SPAM1: variants seen among roughly 807,000 people sequenced by gnomAD.
SPAM1 encodes hyaluronidase PH-20.
SPAM1 carries 22 observed loss-of-function variants against 29.6 expected under a neutral mutation model. The observed-to-expected ratio is 0.74, with a 90% CI of 0.53 to 1.06. The LOEUF is 1.06. Among genes scored for constraint, SPAM1 ranks in the 50% least tolerant of loss-of-function variants. The pLI is 0.00. For missense variants in SPAM1, 534 were observed against 604.0 expected (o/e 0.88, Z 1.21); for synonymous variants, 194 against 204.6 (o/e 0.95, Z 0.44).
intron 3 of SPAM1, among the ~76,000 whole-genome samples, 163 bp downstream of exon 3, chr7:123,954,687 G>A (rs904885007): frequency 4.0e-5 from 6 of 151,876 alleles, no homozygotes; most frequent in African/African-American, 1.2e-4. Context: ...ACAAGAATAC[G>A]CTTAATCTTT....
chr7:123,949,866 T>C lies in SPAM1; in HGVS notation c.-318-6T>C, dbSNP rs944249459. ...GAGAGAAAATAATCTTTTTTTTTTT[T>C]CAAAGGGATGCTAATGACTAGCCAA... is the stretch of plus-strand genomic sequence containing the variant. On this transcript the variant is annotated splice_region_variant and splice_polypyrimidine_tract_variant and intron_variant, in intron 1 of 4. Transcript: ENST00000682466. The C allele has an allele frequency of 2.0e-5, 3 of 151,716 alleles. No homozygotes were observed. The highest frequency in any genetic ancestry group is 4.8e-5 in the African/African-American group (2 of 41,296). 9.4% of individuals were successfully genotyped at this position (151,716 alleles called of 1,614,324 possible).
At chr7:123,958,270 T>C (rs1792289013) in intron 4 of SPAM1, among the ~76,000 whole-genome samples, 2 of 151,990 alleles carry the variant, frequency 1.3e-5, no homozygotes, top group South Asian at 4.1e-4. Flanking sequence ...CCTCACTCAA[T>C]GGAACTGTTG....
At chr7:123,949,632 T>G (rs1030327996) in intron 1 of SPAM1, among the ~76,000 whole-genome samples, 3 of 152,130 alleles carry the variant, frequency 2.0e-5, no homozygotes, top group African/African-American at 7.2e-5. Flanking sequence ...CTACAATACA[T>G]AGTGGTGAAT....
intron 6 of SPAM1, chr7:123,970,372 C>T: frequency 9.4e-7 from 1 of 1,069,264 alleles, no homozygotes; most frequent in Non-Finnish European, 1.3e-6. Flanking sequence ...GGACACCAGT[C>T]ATGTTGGATT....
chr7:123,965,618 C>T (rs778410815), intron 5 of SPAM1, among the ~76,000 whole-genome samples: 26 of 151,852 alleles, frequency 1.7e-4, no homozygotes, highest in Non-Finnish European at 3.2e-4. Context: ...GCTGCAGATG[C>T]GTGGTCTTAT....
intron 2 of SPAM1, among the ~76,000 whole-genome samples, chr7:123,952,213 GA>G (rs1318312965): frequency 6.6e-6 from 1 of 151,984 alleles, no homozygotes; most frequent in African/African-American, 2.4e-5. Context: ...AAACATGAGG[GA>G]AAATTCATTA....
At chr7:123,968,754 A>G (rs1563035397) in intron 5 of SPAM1, among the ~76,000 whole-genome samples, 1 of 152,016 alleles carries the variant, frequency 6.6e-6, no homozygotes, top group African/African-American at 2.4e-5. Flanking sequence ...TAGGCCCATC[A>G]TTCATTGGCT....
At chr7:123,934,699 G>A (rs952069412) in intron 1 of SPAM1, among the ~76,000 whole-genome samples, 12 of 152,244 alleles carry the variant, frequency 7.9e-5, no homozygotes, top group African/African-American at 2.9e-4. Context: ...CAACATGGAT[G>A]AGCCTGGAGG....
At chr7:123,932,766 T>C (rs2117022002) in intron 1 of SPAM1, among the ~76,000 whole-genome samples, 2 of 152,334 alleles carry the variant, frequency 1.3e-5, no homozygotes, top group South Asian at 4.1e-4. Flanking sequence ...TCTCTTGCCA[T>C]TTTCATTTGA....
downstream of SPAM1, among the ~76,000 whole-genome samples, chr7:123,964,026 CTT>C (rs1491125543): frequency 6.7e-6 from 1 of 149,372 alleles, no homozygotes; most frequent in African/African-American, 2.5e-5. Context: ...ATAAAATTGA[CTT>C]AATATTTTTA....
intron 1 of SPAM1, among the ~76,000 whole-genome samples, chr7:123,929,221 T>C (rs1448264175): frequency 2.0e-5 from 3 of 152,196 alleles, no homozygotes; most frequent in African/African-American, 7.2e-5. Context: ...GAGTGTACTT[T>C]TCAACCTTAG....
intron 5 of SPAM1, among the ~76,000 whole-genome samples, chr7:123,965,762 T>A (rs375409747): frequency 4.6e-5 from 7 of 152,092 alleles, no homozygotes; most frequent in East Asian, 3.9e-4. Context: ...CTCTTTTTGT[T>A]TAGGATTGTC....
intron 1 of SPAM1, among the ~76,000 whole-genome samples, chr7:123,944,323 T>G (rs1273597850): frequency 1.3e-5 from 2 of 152,122 alleles, no homozygotes; most frequent in Non-Finnish European, 1.5e-5. Flanking sequence ...GACTCAGAAG[T>G]CAAAGCCCTG....
intron 5 of SPAM1, among the ~76,000 whole-genome samples, chr7:123,969,486 A>C (rs555268680): frequency 6.6e-6 from 1 of 152,068 alleles, no homozygotes; most frequent in Non-Finnish European, 1.5e-5. Flanking sequence ...ATAGGGGTAC[A>C]TTCTCGTTCT....
At chr7:123,926,626 G>C (rs576483288) in intron 1 of SPAM1, among the ~76,000 whole-genome samples, 59 of 152,124 alleles carry the variant, frequency 3.9e-4, no homozygotes, top group Non-Finnish European at 6.8e-4. Context: ...TGTGTTTTAG[G>C]AAGGCATGAG....
downstream of SPAM1, among the ~76,000 whole-genome samples, chr7:123,963,939 T>C (rs1792391183): frequency 6.6e-6 from 1 of 151,984 alleles, no homozygotes; most frequent in Admixed American, 6.6e-5. Context: ...TACATAGCAA[T>C]GATTATTTAT....
rs543883180 is a variant in SPAM1, at chr7:123,941,880, A to G, written c.-318-7992A>G. The stretch of plus-strand genomic sequence containing the variant: ...CTTGTGGCTAGGGCAGTTTATTCCT[A>G]GACAGGTAGGTCCCACATTATTAGT... On this transcript the variant is annotated intron_variant, in intron 1 of 4. Coordinates refer to ENST00000682466, the MANE Select transcript of SPAM1 (RefSeq NM_153189.3). Among the ~76,000 whole-genome samples the G allele has an allele frequency of 7.2e-5, 11 of 152,322 alleles. No individual in the cohort carries two copies. The East Asian group carries it at 7.7e-4, about 11-fold the overall frequency.
At chr7:123,955,288 T>G (rs1310433133) in intron 4 of SPAM1, among the ~76,000 whole-genome samples, 1 of 152,010 alleles carries the variant, frequency 6.6e-6, no homozygotes, top group African/African-American at 2.4e-5. Context: ...AGTGGGGAAA[T>G]AGAAATTTAG....
chr7:123,970,611 T>TAATAATAATAATAATAATA (rs1554432387), intron 6 of SPAM1, among the ~76,000 whole-genome samples: 30 of 102,130 alleles, frequency 2.9e-4, no homozygotes, highest in African/African-American at 9.2e-4. Context: ...TAATAATAAT[T>TAATAATAATAATAATAATA]ATTATTATTA....
Sources: allele counts gnomAD v4.1 joint callset (sites outside exome capture counted in the v4.1 genomes callset), GRCh38; gene constraint gnomAD v4.1.1; transcripts MANE v1.5; gene names NCBI Gene and HGNC (gene_info 2026-07-23, HGNC 2026-07-21).